The following IGSF9B variants were observed in gnomAD, a reference collection of about 807,000 sequenced individuals.
IGSF9B encodes protein turtle homolog B.
A neutral mutation model predicts 143.7 loss-of-function variants in IGSF9B; 48 were observed. The observed-to-expected ratio is 0.33, with a 90% CI of 0.26 to 0.42. The LOEUF (loss-of-function observed/expected upper bound fraction) is 0.42. IGSF9B is among the 20% of genes least tolerant of loss of function. IGSF9B has a pLI of 1.00. For missense variants in IGSF9B, 1,706 were observed against 1,980.0 expected (o/e 0.86, Z 2.63); for synonymous variants, 903 against 833.1 (o/e 1.08, Z -1.44).
chr11:133,910,163 G>A (rs941627635), intron 19 of IGSF9B, among the ~76,000 whole-genome samples: 7 of 152,300 alleles, frequency 4.6e-5, no homozygotes, highest in East Asian at 3.9e-4. Flanking sequence ...ATCTGGTTAC[G>A]ATGGGGAGGT....
At chr11:133,955,849 TC>T (rs1480594034) in intron 1 of IGSF9B, among the ~76,000 whole-genome samples, 1 of 149,164 alleles carries the variant, frequency 6.7e-6, no homozygotes, top group East Asian at 2.0e-4. Flanking sequence ...AAAGAGAAAA[TC>T]CCCCCTCCGC....
Position 133,904,016 on chromosome 11 carries a change from G to A in IGSF9B, c.*5053C>T, listed in dbSNP as rs905862057. On this transcript the variant is annotated 3_prime_UTR_variant, in exon 20 of 20. Transcript: ENST00000533871. ...TGGCTGGTCAAGCCAAGAGTTTCAG[G>A]TGAAACTCTTTTGCCCTCCCACCTC... Among the ~76,000 whole-genome samples the A allele has an allele frequency of 1.3e-5, 2 of 152,170 alleles. No homozygotes were observed. Among genetic ancestry groups the A allele is most frequent in the African/African-American group, 4.8e-5 (2 of 41,442 alleles).
chr11:133,918,921 A>T, intron 18 of IGSF9B: 1 of 457,578 alleles, frequency 2.2e-6, no homozygotes, highest in Non-Finnish European at 4.4e-6. Flanking sequence ...AGAGAGAAAG[A>T]CTGACTGGAG....
intron 18 of IGSF9B, among the ~76,000 whole-genome samples, chr11:133,915,807 C>T (rs1939370013): frequency 6.6e-6 from 1 of 152,196 alleles, no homozygotes; most frequent in Admixed American, 6.5e-5. Context: ...GGGCATTTTC[C>T]TCCTCTTCTA....
At position 133,938,162 on chromosome 11, in the gene IGSF9B, T is replaced by C. The variant is rs1430790671; in HGVS notation, c.410-201A>G. The stretch of plus-strand genomic sequence containing the variant: ...TGCATCCAAACTCAGGCTGGCTGGG[T>C]CCAAATTCTGTATTGTAGCTTATTC... On this transcript the variant is annotated intron_variant, in intron 3 of 19. Coordinates refer to ENST00000533871, the MANE Select transcript of IGSF9B (RefSeq NM_001277285.4). 4 of 597,314 alleles carry C rather than the reference T, an allele frequency of 6.7e-6. No individual in the cohort carries two copies. The Admixed American group carries it at 8.7e-5, about 13-fold the overall frequency. 37.0% of individuals were successfully genotyped at this position (597,314 alleles called of 1,614,324 possible).
chr11:133,917,267 C>T (rs1043065814), intron 18 of IGSF9B, among the ~76,000 whole-genome samples: 1 of 152,162 alleles, frequency 6.6e-6, no homozygotes, highest in Non-Finnish European at 1.5e-5. Flanking sequence ...TGAGAGGGAG[C>T]GAGCTTCGGG....
chr11:133,937,566 G>T, intron 4 of IGSF9B, 73 bp from the exon 5 acceptor site: 1 of 1,256,726 alleles, frequency 8.0e-7, no homozygotes, highest in Non-Finnish European at 1.1e-6. Flanking sequence ...ACACGGAGAT[G>T]CAGTCGGAGA....
At position 133,920,551 on chromosome 11, in the gene IGSF9B, G is replaced by A; in HGVS notation, c.3174C>T (p.Pro1058=). ...GGLETPAMMF[P]HQLPPCDVPE... is the part of the protein sequence containing the mutation. ...GCACATCACAGGGTGGCAGCTGGTGGGGGAACATCATCGCTGGGGTCTCCA... is the reference window on the plus strand; with the variant it reads ...GCACATCACAGGGTGGCAGCTGGTGAGGGAACATCATCGCTGGGGTCTCCA... The change falls in exon 18 of 20, where the codon CCC becomes CCT. Residue 1058 remains proline (P), a synonymous_variant. Transcript: ENST00000533871. 6.2e-7 allele frequency: 1 copy of A among 1,612,614 alleles called. No homozygotes were observed. Among genetic ancestry groups the A allele is most frequent in the Non-Finnish European group, 8.5e-7 (1 of 1,179,382 alleles).
intron 7 of IGSF9B, among the ~76,000 whole-genome samples, chr11:133,933,591 T>A (rs796635588): frequency 1.2e-4 from 19 of 152,264 alleles, no homozygotes; most frequent in African/African-American, 4.3e-4. Context: ...ACCAAAAACA[T>A]CTTTGAATGA....
At position 133,937,839 on chromosome 11, in the gene IGSF9B, T is replaced by G; in HGVS notation, c.532A>C (p.Thr178Pro). The change falls in exon 4 of 20, where the codon ACG becomes CCG. Residue 178 changes from threonine to proline, a missense_variant. Physicochemically the swap from Thr to Pro is conservative, Grantham distance 38. This residue lies in a region of IGSF9B where 238 missense variants were observed against 452.6 expected (regional missense o/e 0.53). Transcript: ENST00000533871. ...KPIVTWLKEG[T>P]LLGASGKYQV... ...TATTTCCCACTAGCACCGAGGAGCGTCCCCTCCTTGAGCCAGGTGACAATG... is the reference window on the plus strand; with the variant it reads ...TATTTCCCACTAGCACCGAGGAGCGGCCCCTCCTTGAGCCAGGTGACAATG... 1 of 1,610,522 alleles carries G rather than the reference T, an allele frequency of 6.2e-7. No individual in the cohort carries two copies. Among genetic ancestry groups the G allele is most frequent in the Non-Finnish European group, 8.5e-7 (1 of 1,178,356 alleles).
Position 133,931,543 on chromosome 11 carries a change from T to C in IGSF9B, c.1278A>G (p.Pro426=), listed in dbSNP as rs1180092383. The C allele has an allele frequency of 6.2e-7, 1 of 1,613,250 alleles. No individual in the cohort carries two copies. The highest frequency in any genetic ancestry group is 1.1e-5 in the South Asian group (1 of 91,078). The change falls in exon 10 of 20, where the codon CCA becomes CCG. Residue 426 remains proline, a synonymous_variant. Coordinates refer to ENST00000533871, the MANE Select transcript of IGSF9B (RefSeq NM_001277285.4). This position sits in a 1 kb window ranked among gnomAD's most constrained non-coding sequence, Gnocchi z 7.7. ...CGGCCTCCTGCCTGTACTCCCAGCCTGGTAGCACCGTGAAATAGGGGGGGT... is the reference window on the plus strand; with the variant it reads ...CGGCCTCCTGCCTGTACTCCCAGCCCGGTAGCACCGTGAAATAGGGGGGGT... ...LKDPPYFTVL[P]GWEYRQEAGR...
At chr11:133,949,496 A>C (rs993328145) in intron 1 of IGSF9B, among the ~76,000 whole-genome samples, 1 of 152,184 alleles carries the variant, frequency 6.6e-6, no homozygotes, top group African/African-American at 2.4e-5. Context: ...AAGATGGAGG[A>C]TAGATAGAGA....
At position 133,907,197 on chromosome 11, in the gene IGSF9B, G is replaced by A. The variant is rs1939222490; in HGVS notation, c.*1872C>T. On this transcript the variant is annotated 3_prime_UTR_variant, in exon 20 of 20. Coordinates refer to ENST00000533871, the MANE Select transcript of IGSF9B (RefSeq NM_001277285.4). ...GGAACTGCGGTGGTGTTACTTGCAC[G>A]GTAAACCTCAAGGGTGGAGCTGGTC... Among the ~76,000 whole-genome samples the A allele has an allele frequency of 6.6e-6, 1 of 152,150 alleles. No individual in the cohort carries two copies. Among genetic ancestry groups the A allele is most frequent in the Non-Finnish European group, 1.5e-5 (1 of 68,038 alleles).
intron 13 of IGSF9B, 44 bp downstream of exon 13, chr11:133,926,872 A>G (rs1343962165): frequency 1.3e-6 from 2 of 1,499,600 alleles, no homozygotes; most frequent in South Asian, 2.5e-5. Context: ...CGCCCCCACC[A>G]CCTCTACAAC....
At chr11:133,912,373 A>G (rs1939314498) in intron 18 of IGSF9B, 1 of 472,644 alleles carries the variant, frequency 2.1e-6, no homozygotes, top group Middle Eastern at 3.2e-4. Flanking sequence ...CCTAGAAATC[A>G]CCACAATCAA....
intron 18 of IGSF9B, among the ~76,000 whole-genome samples, chr11:133,914,321 CACTGCCCTTCCAGCG>C (rs1939345015): frequency 6.6e-6 from 1 of 152,130 alleles, no homozygotes; most frequent in African/African-American, 2.4e-5. Context: ...CTCACCTCTC[CACTGCCCTTCCAGCG>C]TCTTCCCAAT....
chr11:133,952,249 A>G, intron 1 of IGSF9B: 1 of 347,876 alleles, frequency 2.9e-6, no homozygotes, highest in South Asian at 2.2e-5. Context: ...CCTTTTGGGG[A>G]ATGGGCATAA....
At position 133,896,701 on chromosome 11, in the gene IGSF9B, C is replaced by T. The variant is rs1939022886; in HGVS notation, c.*12368G>A. ...TGGGGATGAGTTGGTTAGTACTTAG[C>T]AAGCCTGGAAATACCAGCGAGTGGA... On this transcript the variant is annotated 3_prime_UTR_variant, in exon 20 of 20. Coordinates refer to ENST00000533871, the MANE Select transcript of IGSF9B (RefSeq NM_001277285.4). 6.6e-6 allele frequency: 1 copy of T among 152,198 alleles called. No homozygotes were observed. Among genetic ancestry groups the T allele is most frequent in the African/African-American group, 2.4e-5 (1 of 41,444 alleles). 9.4% of individuals were successfully genotyped at this position (152,198 alleles called of 1,614,324 possible).
intron 12 of IGSF9B, among the ~76,000 whole-genome samples, chr11:133,927,870 G>A (rs1433237314): frequency 6.6e-6 from 1 of 152,128 alleles, no homozygotes; most frequent in African/African-American, 2.4e-5. Flanking sequence ...ATCCACTCCC[G>A]GGTCCCGGCT....
Sources: gnomAD v4.1 joint callset for allele counts (sites outside exome capture counted in the v4.1 genomes callset) on GRCh38, gnomAD v4.1.1 for gene constraint, gnomAD v4.1.1 regional missense constraint, Gnocchi (gnomAD v3.1) non-coding constraint, MANE v1.5 for transcripts, NCBI Gene and HGNC (gene_info 2026-07-23, HGNC 2026-07-21) for gene names.